ITGA8: variants seen among roughly 807,000 people sequenced by gnomAD.
ITGA8 encodes the protein integrin alpha-8.
Under a neutral mutation model 142.3 loss-of-function variants are expected in ITGA8, and 91 were observed. That is an observed-to-expected ratio of 0.64 (90% confidence interval 0.54 to 0.76). The LOEUF (loss-of-function observed/expected upper bound fraction) is 0.76, where lower values mean the gene tolerates loss of function less well. Among genes scored for constraint, ITGA8 ranks in the 30% least tolerant of loss-of-function variants. ITGA8 has a pLI of 0.00. For missense variants in ITGA8, 1,406 were observed against 1,327.7 expected, an observed-to-expected ratio of 1.06 and a Z score of -0.92; for synonymous variants, 505 against 485.2, an observed-to-expected ratio of 1.04 and a Z score of -0.54.
intron 8 of ITGA8, among the ~76,000 whole-genome samples, chr10:15,661,857 A>G (rs1834293381): frequency 6.6e-6 from 1 of 152,196 alleles, no homozygotes; most frequent in African/African-American, 2.4e-5. Context: ...CTGCCAGGAA[A>G]GTTGACGGAA....
At chr10:15,591,122 T>A (rs537781817) in intron 22 of ITGA8, among the ~76,000 whole-genome samples, 1 of 152,192 alleles carries the variant, frequency 6.6e-6, no homozygotes, top group East Asian at 1.9e-4. Flanking sequence ...CTAATGGTAC[T>A]TCTTGCAAGA....
At chr10:15,694,024 G>A (rs374174269) in intron 2 of ITGA8, among the ~76,000 whole-genome samples, 11 of 150,042 alleles carry the variant, frequency 7.3e-5, no homozygotes, top group African/African-American at 1.7e-4. Flanking sequence ...ATCTTGCAGC[G>A]TTACAACTAC....
chr10:15,670,349 T>G (rs1834488509), intron 8 of ITGA8, among the ~76,000 whole-genome samples: 1 of 152,214 alleles, frequency 6.6e-6, no homozygotes, highest in Admixed American at 6.5e-5. Context: ...TATTTTGAGT[T>G]AGTTAATATT....
In ITGA8 at chr10:15,678,742, A is replaced by G. The variant is rs760693627; in HGVS notation, c.610T>C (p.Phe204Leu). 4.3e-6 allele frequency: 7 copies of G among 1,610,780 alleles called. No homozygotes were observed. The highest frequency in any genetic ancestry group is 5.9e-6 in the Non-Finnish European group (7 of 1,177,368). The part of the protein sequence containing the change: ...PEGQGYCQAG[F>L]SLDFYKNGDL... ...TTCACCTTATAAAAATCCAGACTAA[A>G]TCCTGCTTGGCAGTAACCCTGGCCT... Residue 204 changes from phenylalanine to leucine, a missense_variant, in exon 5 of 30, where the codon TTT (phenylalanine) becomes CTT (leucine). Physicochemically the swap from Phe to Leu is conservative, Grantham distance 22. Coordinates refer to ENST00000378076, the MANE Select transcript of ITGA8 (RefSeq NM_003638.3).
chr10:15,551,254 T>C (rs1303512583), intron 26 of ITGA8, among the ~76,000 whole-genome samples: 1 of 136,782 alleles, frequency 7.3e-6, no homozygotes, highest in Non-Finnish European at 1.5e-5. Flanking sequence ...AAAAATTAAA[T>C]GGATGAGAGA....
At chr10:15,587,423 T>C (rs555813489) in intron 22 of ITGA8, among the ~76,000 whole-genome samples, 25 of 152,280 alleles carry the variant, frequency 1.6e-4, no homozygotes, top group Middle Eastern at 3.4e-3. Flanking sequence ...GAGAAATACA[T>C]AATCGAAACA....
At chr10:15,555,879 A>G (rs1329600540) in intron 26 of ITGA8, among the ~76,000 whole-genome samples, 1 of 151,300 alleles carries the variant, frequency 6.6e-6, no homozygotes, top group Non-Finnish European at 1.5e-5. Context: ...TTGTATTTTT[A>G]GTAGAGACGG....
At chr10:15,558,738 T>C (rs9333211) in intron 25 of ITGA8, among the ~76,000 whole-genome samples, 60,398 of 152,026 alleles carry the variant, frequency 0.4, 12,684 homozygotes, top group African/African-American at 0.53. Flanking sequence ...CTGACAAAAA[T>C]GACTTTTCGA....
At chr10:15,525,381 A>G (rs1460783486) in intron 28 of ITGA8, among the ~76,000 whole-genome samples, 1 of 152,098 alleles carries the variant, frequency 6.6e-6, no homozygotes, top group Non-Finnish European at 1.5e-5. Context: ...GGTGGCTCAC[A>G]TCTGTAATCC....
intron 12 of ITGA8, among the ~76,000 whole-genome samples, chr10:15,644,444 AT>A (rs1460036713): frequency 0.011 from 4 of 350 alleles, no homozygotes; most frequent in Non-Finnish European, 0.016. Flanking sequence ...ATATATATAT[AT>A]ATATATATAT....
intron 2 of ITGA8, among the ~76,000 whole-genome samples, chr10:15,694,118 A>G (rs937993916): frequency 5.1e-4 from 74 of 146,108 alleles, no homozygotes; most frequent in African/African-American, 1.7e-3. Flanking sequence ...ATTATATATC[A>G]TATATCTATA....
chr10:15,669,766 G>T (rs1834473031), intron 8 of ITGA8, among the ~76,000 whole-genome samples: 5 of 152,202 alleles, frequency 3.3e-5, no homozygotes. Context: ...GTTGGAGTTT[G>T]CTAGAGGTCC....
At chr10:15,632,102 A>T (rs1833695181) in intron 13 of ITGA8, among the ~76,000 whole-genome samples, 1 of 151,988 alleles carries the variant, frequency 6.6e-6, no homozygotes, top group Admixed American at 6.6e-5. Flanking sequence ...TTATTTGTGA[A>T]ATAATAAGGA....
At chr10:15,571,227 C>G (rs1309392359) in intron 25 of ITGA8, among the ~76,000 whole-genome samples, 1 of 152,132 alleles carries the variant, frequency 6.6e-6, no homozygotes. Flanking sequence ...AAAAAGAATG[C>G]CTTTCAGAAT....
At chr10:15,675,137 G>A (rs1161644150) in intron 6 of ITGA8, among the ~76,000 whole-genome samples, 1 of 152,128 alleles carries the variant, frequency 6.6e-6, no homozygotes, top group Non-Finnish European at 1.5e-5. Context: ...CATGGACTGA[G>A]TTATCACCAG....
chr10:15,674,875 G>C (rs939654681), intron 6 of ITGA8, among the ~76,000 whole-genome samples: 4 of 151,972 alleles, frequency 2.6e-5, no homozygotes, highest in Non-Finnish European at 5.9e-5. Flanking sequence ...GGGAGGCAGA[G>C]GTTGCAGTGA....
intron 2 of ITGA8, among the ~76,000 whole-genome samples, chr10:15,712,389 C>T (rs1366989519): frequency 2.0e-5 from 3 of 152,094 alleles, no homozygotes; most frequent in Non-Finnish European, 4.4e-5. Context: ...CAAAACCAGC[C>T]TGACCAATAT....
intron 26 of ITGA8, among the ~76,000 whole-genome samples, chr10:15,551,762 G>A (rs775646419): frequency 6.6e-6 from 1 of 152,042 alleles, no homozygotes; most frequent in African/African-American, 2.4e-5. Flanking sequence ...GTCTTATTTC[G>A]CTTTTGATTT....
chr10:15,699,158 C>T (rs1835112231), intron 2 of ITGA8, among the ~76,000 whole-genome samples: 1 of 152,128 alleles, frequency 6.6e-6, no homozygotes, highest in African/African-American at 2.4e-5. Context: ...GTGGCACATG[C>T]CTGTAGTCTC....
Sources: allele counts gnomAD v4.1 joint callset (sites outside exome capture counted in the v4.1 genomes callset), GRCh38; gene constraint gnomAD v4.1.1; transcripts MANE v1.5; gene names NCBI Gene and HGNC (gene_info 2026-07-23, HGNC 2026-07-21).